ZHX1: variants seen among roughly 807,000 people sequenced by gnomAD.
ZHX1 encodes zinc fingers and homeoboxes protein 1.
A neutral mutation model predicts 61.8 loss-of-function variants in ZHX1; 20 were observed. The ratio of observed to expected loss-of-function variants is 0.32; its 90% CI spans 0.23 to 0.47. The LOEUF is 0.47. ZHX1 is among the 20% of genes least tolerant of loss of function. ZHX1 has a pLI of 1.00. For missense variants in ZHX1, 800 were observed against 1,034.8 expected, an observed-to-expected ratio of 0.77 and a Z score of 3.11; for synonymous variants, 318 against 352.6, an observed-to-expected ratio of 0.90 and a Z score of 1.10.
chr8:123,253,820 C>G lies in ZHX1; in HGVS notation c.2127G>C (p.Gly709=), dbSNP rs1168282930. ...CATTCTTCCAAGCATAACGGGTGTC[C>G]CCAAACCAACTAACTATGTCTGTTC... The part of the protein sequence containing the change: ...LARTDIVSWF[G]DTRYAWKNGN... Residue 709 remains glycine, a synonymous_variant, in exon 3 of 4, where the codon GGG becomes GGC. Transcript: ENST00000395571. 1 of 1,614,164 alleles carries G rather than the reference C, an allele frequency of 6.2e-7. No individual in the cohort carries two copies. The highest frequency in any genetic ancestry group is 1.1e-5 in the South Asian group (1 of 91,082).
In ZHX1 at chr8:123,250,068, CT is replaced by C. The variant is rs1825878298; in HGVS notation, c.*255del. Reference sequence around the variant, plus strand: ...TCCATCATATTAGAAGAAAAATGTACTGTATTAAAATTTAAATTGCATTTTT... The same window carrying C: ...TCCATCATATTAGAAGAAAAATGTACGTATTAAAATTTAAATTGCATTTTT... On this transcript the variant is annotated 3_prime_UTR_variant, in exon 4 of 4. Coordinates refer to ENST00000395571, the MANE Select transcript of ZHX1 (RefSeq NM_007222.5). The C allele has an allele frequency of 5.8e-6, 2 of 343,944 alleles. No individual in the cohort carries two copies. The highest frequency in any genetic ancestry group is 8.5e-5 in the Admixed American group (2 of 23,572). The allele number at this position is 343,944 out of a possible 1,614,324, so 21.3% of individuals were successfully genotyped here.
At chr8:123,267,804 C>T (rs1826506956) in intron 1 of ZHX1, among the ~76,000 whole-genome samples, 1 of 152,076 alleles carries the variant, frequency 6.6e-6, no homozygotes, top group African/African-American at 2.4e-5. Flanking sequence ...GAGTTTGAGA[C>T]CAGTCTGACC....
In ZHX1 at chr8:123,256,240, T is replaced by C. The variant is rs535205170; in HGVS notation, c.-225-69A>G. On this transcript the variant is annotated intron_variant, in intron 2 of 3. Transcript: ENST00000395571. ...TGATCTTTTAAACAAATTATAGTTA[T>C]AGTTCACTTATATGAAGTGGCTGGA... is the stretch of plus-strand genomic sequence containing the variant. 27 of 236,808 alleles carry C rather than the reference T, an allele frequency of 1.1e-4. No individual in the cohort carries two copies. In the South Asian group the frequency reaches 4.0e-3, roughly 35 times the overall value. 14.7% of individuals were successfully genotyped at this position (236,808 alleles called of 1,614,324 possible).
At chr8:123,265,137 C>T (rs1826415390) in intron 2 of ZHX1, among the ~76,000 whole-genome samples, 1 of 147,740 alleles carries the variant, frequency 6.8e-6, no homozygotes, top group Non-Finnish European at 1.5e-5. Flanking sequence ...TGCAGTAAGC[C>T]GAGATTGCGC....
chr8:123,260,204 T>A (rs1419671269), intron 2 of ZHX1, among the ~76,000 whole-genome samples: 1 of 151,454 alleles, frequency 6.6e-6, no homozygotes, highest in Non-Finnish European at 1.5e-5. Flanking sequence ...AGCTATCTGG[T>A]TGGAGGAGGC....
At chr8:123,268,498 T>G (rs1427851051) in intron 1 of ZHX1, among the ~76,000 whole-genome samples, 2 of 152,178 alleles carry the variant, frequency 1.3e-5, no homozygotes, top group Non-Finnish European at 2.9e-5. Flanking sequence ...TTTGGTTGTA[T>G]TCTTTTTTTT....
chr8:123,273,560 A>G (rs1826732262), intron 1 of ZHX1, among the ~76,000 whole-genome samples: 2 of 152,334 alleles, frequency 1.3e-5, no homozygotes, highest in African/African-American at 4.8e-5. Context: ...AAGTTGGGAC[A>G]TGGCCTGGCC....
chr8:123,255,016 T>G lies in ZHX1; in HGVS notation c.931A>C (p.Met311Leu). The G allele has an allele frequency of 6.2e-7, 1 of 1,614,156 alleles. No individual in the cohort carries two copies. Among genetic ancestry groups the G allele is most frequent in the Non-Finnish European group, 8.5e-7 (1 of 1,180,006 alleles). ...NTYNKFPYPT[M>L]SEITVLSAQA... is the part of the protein sequence containing the mutation. ...GCAGAAAGAACTGTAATTTCTGACA[T>G]TGTTGGGTAAGGGAACTTGTTGTAG... The change falls in exon 3 of 4, where the codon ATG (methionine) becomes CTG (leucine). Residue 311 changes from methionine to leucine, a missense_variant. Transcript: ENST00000395571.
Position 123,254,578 on chromosome 8 carries a change from T to C in ZHX1, c.1369A>G (p.Thr457Ala). The change falls in exon 3 of 4, where the codon ACT becomes GCT. Residue 457 changes from threonine to alanine, a missense_variant. By Grantham distance (58) the Thr-to-Ala change is moderately conservative. Coordinates refer to ENST00000395571, the MANE Select transcript of ZHX1 (RefSeq NM_007222.5). The surrounding 1 kb of genome is among the most constrained non-coding windows in gnomAD (Gnocchi z 4.1). Reference protein sequence around the residue: ...VPTSQSVKHETALVNPDSFGI... With the variant: ...VPTSQSVKHEAALVNPDSFGI... ...AATGAATCAGGGTTTACCAATGCAG[T>C]TTCATGTTTGACACTTTGAGAAGTT... 2 of 1,614,208 alleles carry C rather than the reference T, an allele frequency of 1.2e-6. No individual in the cohort carries two copies. The highest frequency in any genetic ancestry group is 1.7e-6 in the Non-Finnish European group (2 of 1,180,022).
intron 2 of ZHX1, among the ~76,000 whole-genome samples, chr8:123,265,447 A>G (rs1826424896): frequency 6.6e-6 from 1 of 152,192 alleles, no homozygotes. Context: ...TAGAAGTTAC[A>G]AATCCACAAA....
At chr8:123,270,426 A>G (rs1343850765) in intron 1 of ZHX1, among the ~76,000 whole-genome samples, 1 of 152,168 alleles carries the variant, frequency 6.6e-6, no homozygotes, top group African/African-American at 2.4e-5. Context: ...GTTAAGATAA[A>G]TTCTGATAAT....
upstream of ZHX1, among the ~76,000 whole-genome samples, chr8:123,274,792 G>C (rs190770385): frequency 6.3e-4 from 96 of 152,268 alleles, no homozygotes; most frequent in African/African-American, 2.1e-3. Flanking sequence ...CCTTCCTTGC[G>C]CTCCGCCTTC....
At chr8:123,267,434 T>A in intron 1 of ZHX1, 48 bp from the exon 2 acceptor site, 1 of 538,348 alleles carries the variant, frequency 1.9e-6, no homozygotes, top group Non-Finnish European at 2.9e-6. Flanking sequence ...TTAGCCTTAG[T>A]CAGGAAATTT....
At position 123,253,440 on chromosome 8, in the gene ZHX1, T is replaced by A; in HGVS notation, c.2507A>T (p.Glu836Val). The change falls in exon 3 of 4, where the codon GAG becomes GTG. Residue 836 changes from glutamate (E) to valine (V), a missense_variant. By Grantham distance (121) the Glu-to-Val change is moderately radical (BLOSUM62 -2). Coordinates refer to ENST00000395571, the MANE Select transcript of ZHX1 (RefSeq NM_007222.5). ...ELGIELFEEN[E>V]EEDEVIDDQE... is the part of the protein sequence containing the mutation. ...GTCATCAATAACTTCATCTTCCTCC[T>A]CATTTTCCTCAAATAATTCTATACC... The A allele has an allele frequency of 6.2e-7, 1 of 1,614,134 alleles. No homozygotes were observed. Among genetic ancestry groups the A allele is most frequent in the Non-Finnish European group, 8.5e-7 (1 of 1,179,998 alleles).
intron 3 of ZHX1, 166 bp downstream of exon 3, chr8:123,253,156 T>G (rs937905165): frequency 3.8e-6 from 2 of 524,824 alleles, no homozygotes; most frequent in South Asian, 7.2e-5. Context: ...CTACACATGA[T>G]AATCATTTAT....
chr8:123,250,410 A>T, intron 3 of ZHX1, 90 bp from the exon 4 acceptor site: 1 of 348,324 alleles, frequency 2.9e-6, no homozygotes, highest in Non-Finnish European at 5.5e-6. Flanking sequence ...GTGAAAATAC[A>T]TCTTTTGTAT....
At chr8:123,259,093 C>A (rs1015092382) in intron 2 of ZHX1, among the ~76,000 whole-genome samples, 1 of 152,132 alleles carries the variant, frequency 6.6e-6, no homozygotes, top group African/African-American at 2.4e-5. Context: ...CGGTAAAATC[C>A]TCCTCACTGG....
At chr8:123,265,324 T>C (rs1398603251) in intron 2 of ZHX1, among the ~76,000 whole-genome samples, 1 of 152,134 alleles carries the variant, frequency 6.6e-6, no homozygotes, top group Admixed American at 6.5e-5. Flanking sequence ...GAATCTGCAT[T>C]TGTATATATA....
chr8:123,248,655 A>G lies in ZHX1; in HGVS notation c.*1669T>C, dbSNP rs1825836663. The G allele has an allele frequency of 6.6e-6, 1 of 152,606 alleles. No individual in the cohort carries two copies. The highest frequency in any genetic ancestry group is 2.4e-5 in the African/African-American group (1 of 41,440). 9.5% of individuals were successfully genotyped at this position (152,606 alleles called of 1,614,324 possible). A position where few individuals can be genotyped will look rare whatever the true frequency, so the allele number is the denominator to read the frequency against. Reference sequence around the variant, plus strand: ...AACATATTGCAAGGGAAACAACTATATTCAAAGGCTTCATTTCTAATACTT... The same window carrying G: ...AACATATTGCAAGGGAAACAACTATGTTCAAAGGCTTCATTTCTAATACTT... On this transcript the variant is annotated 3_prime_UTR_variant, in exon 4 of 4. Transcript: ENST00000395571.
Sources: allele counts gnomAD v4.1 joint callset (sites outside exome capture counted in the v4.1 genomes callset), GRCh38; gene constraint gnomAD v4.1.1; non-coding constraint Gnocchi (gnomAD v3.1); transcripts MANE v1.5; gene names NCBI Gene and HGNC (gene_info 2026-07-23, HGNC 2026-07-21).